Variants in MAPKAP1 observed in about 807,000 individuals in gnomAD.
MAPKAP1 encodes MAPK associated protein 1, also known as target of rapamycin complex 2 subunit MAPKAP1.
In MAPKAP1, 20 loss-of-function variants were observed where a neutral mutation model predicts 65.7. The observed-to-expected ratio is 0.30, with a 90% CI of 0.21 to 0.44. The LOEUF (loss-of-function observed/expected upper bound fraction) is 0.44. MAPKAP1 is among the 20% of genes least tolerant of loss of function. The probability of loss-of-function intolerance (pLI) is 1.00; values close to 1 mark genes in which losing one functional copy is unlikely to be tolerated. For missense variants in MAPKAP1, 423 were observed against 648.0 expected (o/e 0.65, Z 3.77); for synonymous variants, 222 against 244.3 (o/e 0.91, Z 0.85).
intron 5 of MAPKAP1, among the ~76,000 whole-genome samples, chr9:125,577,238 C>T (rs938753763): frequency 6.6e-6 from 1 of 151,776 alleles, no homozygotes; most frequent in Non-Finnish European, 1.5e-5. Context: ...AGACCCTCTG[C>T]CTGGCAACCG....
chr9:125,474,660 C>T (rs1854039459), intron 9 of MAPKAP1, among the ~76,000 whole-genome samples: 1 of 152,158 alleles, frequency 6.6e-6, no homozygotes, highest in Non-Finnish European at 1.5e-5. Context: ...ACAACCTCCC[C>T]TATGGTACTC....
At chr9:125,442,282 A>G (rs762532219) in intron 11 of MAPKAP1, among the ~76,000 whole-genome samples, 5 of 152,088 alleles carry the variant, frequency 3.3e-5, no homozygotes, top group Non-Finnish European at 5.9e-5. Flanking sequence ...TTCTGCAAAT[A>G]TTTTGATATG....
intron 4 of MAPKAP1, among the ~76,000 whole-genome samples, chr9:125,586,501 TTTG>T (rs1325883189): frequency 1.3e-5 from 2 of 150,628 alleles, no homozygotes; most frequent in African/African-American, 5.0e-5. Context: ...AGAGGACTGC[TTTG>T]TTGTTGTTTT....
chr9:125,693,500 T>A (rs1057481897), intron 1 of MAPKAP1, among the ~76,000 whole-genome samples: 2 of 145,750 alleles, frequency 1.4e-5, no homozygotes. Context: ...TATACACACA[T>A]ATATACACAT....
chr9:125,617,812 G>A (rs1480667364), intron 4 of MAPKAP1, among the ~76,000 whole-genome samples: 1 of 152,186 alleles, frequency 6.6e-6, no homozygotes, highest in Non-Finnish European at 1.5e-5. Context: ...ACACATCTGT[G>A]AGTGGTCAGG....
At chr9:125,696,216 C>T (rs868052710) in intron 1 of MAPKAP1, 5 of 151,756 alleles carry the variant, frequency 3.3e-5, no homozygotes, top group South Asian at 2.1e-4. Context: ...TTAAAACAGA[C>T]CAGGCCTGGC....
chr9:125,543,415 C>T (rs1265851495), intron 6 of MAPKAP1, among the ~76,000 whole-genome samples: 3 of 151,766 alleles, frequency 2.0e-5, no homozygotes, highest in Admixed American at 6.6e-5. Context: ...TACAGGCGCC[C>T]GCCACTACAT....
At chr9:125,634,428 A>G (rs2131693894) in intron 4 of MAPKAP1, among the ~76,000 whole-genome samples, 1 of 152,316 alleles carries the variant, frequency 6.6e-6, no homozygotes, top group Non-Finnish European at 1.5e-5. Flanking sequence ...CTCAATAATG[A>G]GTCACTCAGG....
In MAPKAP1 at chr9:125,586,701, T is replaced by G. The variant is rs1304352748; in HGVS notation, c.499-974A>C. ...CTGTTATCCGCCAACCTTCTGGCCA[T>G]TCCCCTCCCTCACAGAAGGCTTGCA... On this transcript the variant is annotated intron_variant, in intron 4 of 11. Transcript: ENST00000265960. Among the ~76,000 whole-genome samples, 9 of 152,170 alleles carry G rather than the reference T, an allele frequency of 5.9e-5. 1 individual carries two copies. The highest frequency in any genetic ancestry group is 2.2e-4 in the African/African-American group (9 of 41,456).
intron 6 of MAPKAP1, among the ~76,000 whole-genome samples, chr9:125,545,316 A>G (rs1830392364): frequency 6.6e-6 from 1 of 152,226 alleles, no homozygotes; most frequent in Non-Finnish European, 1.5e-5. Flanking sequence ...TGCCTTGTGC[A>G]TTTATAAACT....
At position 125,506,244 on chromosome 9, in the gene MAPKAP1, A is replaced by G. The variant is rs776324755; in HGVS notation, c.1066+66T>C. 5.7e-6 allele frequency: 8 copies of G among 1,414,030 alleles called. No individual in the cohort carries two copies. The South Asian group carries it at 8.1e-5, about 14-fold the overall frequency. 87.6% of individuals were successfully genotyped at this position (1,414,030 alleles called of 1,614,324 possible). On this transcript the variant is annotated intron_variant, in intron 8 of 11. Coordinates refer to ENST00000265960, the MANE Select transcript of MAPKAP1 (RefSeq NM_001006617.3). ...GGAAACCAGACCAGTGAGCGTTTCC[A>G]AACACATGACTTCTAAGCAAGTTTG...
chr9:125,441,158 A>G (rs906257371), intron 11 of MAPKAP1, among the ~76,000 whole-genome samples: 1 of 152,226 alleles, frequency 6.6e-6, no homozygotes, highest in Non-Finnish European at 1.5e-5. Flanking sequence ...GCATAAAAAT[A>G]TAGGGAGTTT....
chr9:125,640,312 C>G (rs1208125616), intron 4 of MAPKAP1, among the ~76,000 whole-genome samples: 1 of 151,944 alleles, frequency 6.6e-6, no homozygotes, highest in East Asian at 1.9e-4. Context: ...ATCGTGTTAG[C>G]CAGGATGGTC....
At chr9:125,481,345 G>A (rs550413393) in intron 9 of MAPKAP1, among the ~76,000 whole-genome samples, 3 of 152,134 alleles carry the variant, frequency 2.0e-5, no homozygotes, top group African/African-American at 7.2e-5. Flanking sequence ...GGGAATGAGC[G>A]GGGATGGATT....
intron 1 of MAPKAP1, among the ~76,000 whole-genome samples, chr9:125,694,601 G>A (rs934695557): frequency 4.0e-5 from 6 of 151,894 alleles, no homozygotes; most frequent in Non-Finnish European, 7.4e-5. Context: ...CGTTTTCCCC[G>A]CCCCCTCTCC....
intron 3 of MAPKAP1, among the ~76,000 whole-genome samples, chr9:125,660,869 T>C (rs1834165380): frequency 1.3e-5 from 2 of 152,198 alleles, no homozygotes; most frequent in Admixed American, 1.3e-4. Context: ...AATATGAGTC[T>C]TTTGAAATAC....
At chr9:125,668,458 G>A (rs1284912109) in intron 3 of MAPKAP1, among the ~76,000 whole-genome samples, 1 of 152,154 alleles carries the variant, frequency 6.6e-6, no homozygotes, top group African/African-American at 2.4e-5. Flanking sequence ...TGTAACAATG[G>A]AGCCAATCCA....
intron 9 of MAPKAP1, among the ~76,000 whole-genome samples, chr9:125,468,726 T>C (rs1853779334): frequency 6.6e-6 from 1 of 152,250 alleles, no homozygotes; most frequent in South Asian, 2.1e-4. Context: ...GTTCAAGTCT[T>C]GGAGCCTGGC....
chr9:125,701,814 C>T (rs1835607708), intron 1 of MAPKAP1, among the ~76,000 whole-genome samples: 1 of 152,210 alleles, frequency 6.6e-6, no homozygotes, highest in Non-Finnish European at 1.5e-5. Flanking sequence ...AAGGTCATCT[C>T]ACCAGCCAGA....
Sources: gnomAD v4.1 joint callset for allele counts (sites outside exome capture counted in the v4.1 genomes callset) on GRCh38, gnomAD v4.1.1 for gene constraint, MANE v1.5 for transcripts, NCBI Gene and HGNC (gene_info 2026-07-23, HGNC 2026-07-21) for gene names.